Variants in HS3ST4 observed in about 807,000 individuals in gnomAD.
HS3ST4 encodes heparan sulfate glucosamine 3-O-sulfotransferase 4.
A neutral mutation model predicts 29.2 loss-of-function variants in HS3ST4; 17 were observed. The observed-to-expected ratio is 0.58, with a 90% CI of 0.40 to 0.87. The LOEUF is 0.87. Among genes scored for constraint, HS3ST4 ranks in the 40% least tolerant of loss-of-function variants. The probability of loss-of-function intolerance (pLI) is 0.00; values close to 1 mark genes in which losing one functional copy is unlikely to be tolerated. For synonymous variants in HS3ST4, 314 were observed against 285.7 expected (o/e 1.10, Z -1.00); for missense variants, 627 against 634.5 (o/e 0.99, Z 0.13).
chr16:25,877,512 A>C (rs958855661), intron 1 of HS3ST4, among the ~76,000 whole-genome samples: 2 of 152,166 alleles, frequency 1.3e-5, no homozygotes, highest in Non-Finnish European at 2.9e-5. Context: ...TATTTGTTTC[A>C]TGATGCTCCA....
intron 1 of HS3ST4, among the ~76,000 whole-genome samples, chr16:26,109,273 A>T (rs1387612941): frequency 3.3e-5 from 5 of 152,176 alleles, no homozygotes; most frequent in African/African-American, 1.2e-4. Context: ...TTTCTATTTC[A>T]GCGGCCCCGT....
At chr16:25,748,813 T>C (rs4787754) in intron 1 of HS3ST4, among the ~76,000 whole-genome samples, 131,899 of 152,252 alleles carry the variant, frequency 0.87, 57,562 homozygotes, top group Middle Eastern at 0.93. Context: ...TGAATAAATG[T>C]ACACTCTATT....
intron 1 of HS3ST4, among the ~76,000 whole-genome samples, chr16:26,040,576 A>G (rs367992990): frequency 6.6e-6 from 1 of 151,980 alleles, no homozygotes; most frequent in Non-Finnish European, 1.5e-5. Context: ...AAGTGCAGGG[A>G]TTACAGGGGT....
At chr16:25,712,461 C>T (rs1182548298) in intron 1 of HS3ST4, among the ~76,000 whole-genome samples, 1 of 151,962 alleles carries the variant, frequency 6.6e-6, no homozygotes, top group East Asian at 1.9e-4. Context: ...TTGGTGGCTG[C>T]AGTGAGCTGT....
intron 1 of HS3ST4, among the ~76,000 whole-genome samples, chr16:25,849,892 T>G (rs1027645832): frequency 6.6e-6 from 1 of 152,192 alleles, no homozygotes. Context: ...TTCTATTTTT[T>G]TCTGATACTT....
intron 1 of HS3ST4, among the ~76,000 whole-genome samples, chr16:26,061,793 C>G (rs920356819): frequency 6.6e-6 from 1 of 152,196 alleles, no homozygotes; most frequent in African/African-American, 2.4e-5. Flanking sequence ...ACTTCATTCT[C>G]CAACCAAATA....
chr16:25,858,030 CTT>C (rs1316554502), intron 1 of HS3ST4, among the ~76,000 whole-genome samples: 2 of 145,734 alleles, frequency 1.4e-5, no homozygotes, highest in African/African-American at 2.5e-5. Context: ...TTTCTTTCCT[CTT>C]TCTCTTTCTT....
intron 1 of HS3ST4, among the ~76,000 whole-genome samples, chr16:25,954,020 G>T (rs1266713741): frequency 1.3e-5 from 2 of 152,076 alleles, no homozygotes; most frequent in Admixed American, 1.3e-4. Context: ...TCAGGTGCTT[G>T]CAAAAAGGAG....
intron 1 of HS3ST4, among the ~76,000 whole-genome samples, chr16:26,127,323 C>G (rs1181840379): frequency 6.6e-6 from 1 of 152,152 alleles, no homozygotes; most frequent in Non-Finnish European, 1.5e-5. Context: ...GGTGAACTTT[C>G]CTGTCTGAGT....
intron 1 of HS3ST4, among the ~76,000 whole-genome samples, chr16:25,765,444 C>T (rs1966812108): frequency 6.6e-6 from 1 of 152,158 alleles, no homozygotes; most frequent in Non-Finnish European, 1.5e-5. Flanking sequence ...GGGTTTAGAG[C>T]TGGGATTAGG....
At chr16:25,752,256 G>C (rs569151916) in intron 1 of HS3ST4, among the ~76,000 whole-genome samples, 15 of 152,192 alleles carry the variant, frequency 9.9e-5, no homozygotes, top group Non-Finnish European at 2.2e-4. Flanking sequence ...ACAACAGCAA[G>C]TGGCCAACTG....
intron 1 of HS3ST4, among the ~76,000 whole-genome samples, chr16:25,856,883 A>G (rs1423720043): frequency 6.6e-6 from 1 of 152,136 alleles, no homozygotes; most frequent in Non-Finnish European, 1.5e-5. Flanking sequence ...GAGCCATTCT[A>G]GCTAGCAAAT....
chr16:26,037,148 C>T (rs953046292), intron 1 of HS3ST4, among the ~76,000 whole-genome samples: 2 of 152,150 alleles, frequency 1.3e-5, no homozygotes, highest in African/African-American at 4.8e-5. Context: ...CATTCTTAAG[C>T]CCATGCATGG....
chr16:25,760,938 A>G (rs1419283945), intron 1 of HS3ST4, among the ~76,000 whole-genome samples: 1 of 152,204 alleles, frequency 6.6e-6, no homozygotes, highest in Non-Finnish European at 1.5e-5. Flanking sequence ...ACCCAGGTAG[A>G]ACAACTGCAT....
chr16:25,922,084 G>A (rs571105759), intron 1 of HS3ST4, among the ~76,000 whole-genome samples: 1 of 152,160 alleles, frequency 6.6e-6, no homozygotes, highest in Non-Finnish European at 1.5e-5. Flanking sequence ...CCCATGGCTA[G>A]AACAAGCTAA....
intron 1 of HS3ST4, among the ~76,000 whole-genome samples, chr16:26,044,067 A>G (rs1413580306): frequency 2.0e-5 from 3 of 152,362 alleles, no homozygotes; most frequent in Admixed American, 6.5e-5. Flanking sequence ...ACAGCTGGTA[A>G]GTGGTGTTGG....
chr16:25,710,712 T>A (rs1966409381), intron 1 of HS3ST4, among the ~76,000 whole-genome samples: 1 of 152,028 alleles, frequency 6.6e-6, no homozygotes, highest in Admixed American at 6.6e-5. Flanking sequence ...AGAAACTTAT[T>A]TTATTTCAGA....
At chr16:25,789,281 C>T (rs1215718477) in intron 1 of HS3ST4, among the ~76,000 whole-genome samples, 1 of 151,930 alleles carries the variant, frequency 6.6e-6, no homozygotes, top group Non-Finnish European at 1.5e-5. Flanking sequence ...TTGTCCTCTT[C>T]TTCCTCCATC....
rs139591500 is a variant in HS3ST4, at chr16:25,948,945, C to T, written c.735-186667C>T. On this transcript the variant is annotated intron_variant, in intron 1 of 1. Transcript: ENST00000331351. ...AAATTCTGGGGTCTGAGGATGATAACATTGAACTAACAATCAGCCCAGAGA... is the reference window on the plus strand; with the variant it reads ...AAATTCTGGGGTCTGAGGATGATAATATTGAACTAACAATCAGCCCAGAGA... 4.1e-3 allele frequency among the ~76,000 whole-genome samples: 622 copies of T among 152,266 alleles called. 4 individuals are homozygous for T. Among genetic ancestry groups the T allele is most frequent in the African/African-American group, 0.014 (590 of 41,546 alleles).
Sources: gnomAD v4.1 joint callset for allele counts (sites outside exome capture counted in the v4.1 genomes callset) on GRCh38, gnomAD v4.1.1 for gene constraint, MANE v1.5 for transcripts, NCBI Gene and HGNC (gene_info 2026-07-23, HGNC 2026-07-21) for gene names.